The following CBLB variants were observed in gnomAD, a reference collection of about 807,000 sequenced individuals.
CBLB encodes Cbl proto-oncogene B, also known as E3 ubiquitin-protein ligase CBL-B.
A neutral mutation model predicts 104.9 loss-of-function variants in CBLB; 31 were observed. The observed-to-expected ratio is 0.30, with a 90% CI of 0.22 to 0.40. CBLB has a LOEUF of 0.40. Ranked by LOEUF, CBLB falls within the 10% of genes least tolerant of loss-of-function variation. CBLB has a pLI of 1.00. For synonymous variants in CBLB, 440 were observed against 422.6 expected (o/e 1.04, Z -0.51); for missense variants, 1,062 against 1,214.6 (o/e 0.87, Z 1.87).
At chr3:105,707,621 A>G (rs1236570221) in intron 10 of CBLB, among the ~76,000 whole-genome samples, 1 of 152,156 alleles carries the variant, frequency 6.6e-6, no homozygotes, top group African/African-American at 2.4e-5. Context: ...GAAGATTTGT[A>G]AACATTTTTA....
chr3:105,768,100 G>T (rs2078432667), intron 4 of CBLB, among the ~76,000 whole-genome samples: 1 of 152,176 alleles, frequency 6.6e-6, no homozygotes, highest in South Asian at 2.1e-4. Context: ...ATACAAAGAT[G>T]AATAAATAAG....
At chr3:105,806,899 A>G (rs1305597605) in intron 3 of CBLB, among the ~76,000 whole-genome samples, 1 of 152,178 alleles carries the variant, frequency 6.6e-6, no homozygotes, top group African/African-American at 2.4e-5. Flanking sequence ...TCCAAAACTT[A>G]AAAAAATTTT....
rs186078231 is a variant in CBLB at position 105,848,946 on chromosome 3, A to G, written c.419+4468T>C. ...TGTTTTGCTTATGTAGAAACATTTC[A>G]TGGGAGACTTTTAGGTTCTGATTGG... On this transcript the variant is annotated intron_variant, in intron 3 of 18. Coordinates refer to ENST00000394030, the MANE Select transcript of CBLB (RefSeq NM_170662.5). Among the ~76,000 whole-genome samples, 69 of 152,266 alleles carry G rather than the reference A, an allele frequency of 4.5e-4. No individual in the cohort carries two copies. The Middle Eastern group carries it at 0.01, about 23-fold the overall frequency.
Position 105,664,365 on chromosome 3 carries a change from T to C in CBLB, c.2690-5136A>G, listed in dbSNP as rs564282335. ...TCATACAATAATTTAAAATGACATT[T>C]ATTTTTTAAAATAATGTGGTAAAAT... On this transcript the variant is annotated intron_variant, in intron 18 of 18. Coordinates refer to ENST00000394030, the MANE Select transcript of CBLB (RefSeq NM_170662.5). Among the ~76,000 whole-genome samples the C allele has an allele frequency of 1.7e-4, 26 of 152,328 alleles. No homozygotes were observed. In the South Asian group the frequency reaches 5.2e-3, roughly 30 times the overall value.
intron 2 of CBLB, among the ~76,000 whole-genome samples, chr3:105,865,840 A>G (rs4447799): frequency 0.67 from 101,194 of 152,018 alleles, 34,928 homozygotes; most frequent in Middle Eastern, 0.8. Context: ...TACGTAGCAG[A>G]TAAGTTAGAG....
At position 105,702,277 on chromosome 3, in the gene CBLB, T is replaced by C; in HGVS notation, c.1776A>G (p.Ala592=). ...PSRDPPMPLE[A]WCPRDVFGTN... ...TCCCAAACACATCCCGAGGGCACCATGCTTCAAGAGGCATTGGCGGGTCTC... is the reference window on the plus strand; with the variant it reads ...TCCCAAACACATCCCGAGGGCACCACGCTTCAAGAGGCATTGGCGGGTCTC... Residue 592 remains alanine (A), a synonymous_variant, in exon 12 of 19, where the codon GCA becomes GCG. Coordinates refer to ENST00000394030, the MANE Select transcript of CBLB (RefSeq NM_170662.5). 1 of 1,613,988 alleles carries C rather than the reference T, an allele frequency of 6.2e-7. No individual in the cohort carries two copies. The highest frequency in any genetic ancestry group is 8.5e-7 in the Non-Finnish European group (1 of 1,179,984).
chr3:105,704,521 C>T (rs1395053015), intron 10 of CBLB, among the ~76,000 whole-genome samples: 2 of 151,986 alleles, frequency 1.3e-5, no homozygotes, highest in African/African-American at 4.8e-5. Flanking sequence ...ATGCACATTG[C>T]TCTTGGATCT....
chr3:105,846,501 G>A (rs1430286628), intron 3 of CBLB, among the ~76,000 whole-genome samples: 1 of 151,978 alleles, frequency 6.6e-6, no homozygotes, highest in Non-Finnish European at 1.5e-5. Flanking sequence ...AACAGACTGA[G>A]GTAGCAACAG....
intron 17 of CBLB, among the ~76,000 whole-genome samples, chr3:105,674,549 T>C (rs1431519605): frequency 6.6e-6 from 1 of 152,232 alleles, no homozygotes; most frequent in African/African-American, 2.4e-5. Flanking sequence ...TTTTGTGCAC[T>C]GCACAAAGAC....
intron 9 of CBLB, among the ~76,000 whole-genome samples, chr3:105,722,004 G>A (rs2072907364): frequency 6.6e-6 from 1 of 151,756 alleles, no homozygotes; most frequent in Admixed American, 6.6e-5. Flanking sequence ...GCCAGCCTGG[G>A]CAACATAGCA....
intron 3 of CBLB, among the ~76,000 whole-genome samples, chr3:105,834,295 C>CATT (rs1397291691): frequency 1.3e-5 from 2 of 152,088 alleles, no homozygotes; most frequent in African/African-American, 4.8e-5. Flanking sequence ...TTGATTTAGC[C>CATT]ATTCCACAAT....
At chr3:105,741,631 G>T (rs1464392530) in intron 6 of CBLB, among the ~76,000 whole-genome samples, 1 of 151,916 alleles carries the variant, frequency 6.6e-6, no homozygotes, top group Non-Finnish European at 1.5e-5. Context: ...TCCTGACCTG[G>T]TGATCTGCCC....
chr3:105,681,828 A>C lies in CBLB; in HGVS notation c.2202-10T>G. 1 of 1,509,608 alleles carries C rather than the reference A, an allele frequency of 6.6e-7. No homozygotes were observed. Among genetic ancestry groups the C allele is most frequent in the Non-Finnish European group, 9.2e-7 (1 of 1,086,020 alleles). 93.5% of individuals were successfully genotyped at this position (1,509,608 alleles called of 1,614,324 possible). A position where few individuals can be genotyped will look rare whatever the true frequency, so the allele number is the denominator to read the frequency against. On this transcript the variant is annotated splice_polypyrimidine_tract_variant and intron_variant, in intron 14 of 18. Transcript: ENST00000394030. ...ACCATTATCACAAGACCTAAAGGACAGTTCAGAGTAAAATTATATAAGGAG... is the reference window on the plus strand; with the variant it reads ...ACCATTATCACAAGACCTAAAGGACCGTTCAGAGTAAAATTATATAAGGAG...
intron 12 of CBLB, among the ~76,000 whole-genome samples, chr3:105,696,003 G>C (rs2068323942): frequency 6.6e-6 from 1 of 151,278 alleles, no homozygotes; most frequent in Non-Finnish European, 1.5e-5. Flanking sequence ...CATTATTACT[G>C]AAATACTCTC....
At chr3:105,730,226 T>A (rs10490830) in intron 9 of CBLB, among the ~76,000 whole-genome samples, 20,901 of 151,852 alleles carry the variant, frequency 0.14, 1,820 homozygotes, top group Non-Finnish European at 0.19. Context: ...TAAAATAACA[T>A]GGTTCAAGAA....
At chr3:105,854,409 C>CCA (rs981841644) in intron 2 of CBLB, among the ~76,000 whole-genome samples, 116 of 152,284 alleles carry the variant, frequency 7.6e-4, no homozygotes, top group African/African-American at 2.5e-3. Context: ...GTAAGTTAGT[C>CCA]CACCACATTC....
chr3:105,785,899 C>G (rs1283973775), intron 3 of CBLB, among the ~76,000 whole-genome samples: 2 of 152,072 alleles, frequency 1.3e-5, no homozygotes, highest in African/African-American at 4.8e-5. Context: ...TCATAGAAAA[C>G]TGGGAACCAG....
chr3:105,711,050 A>G (rs915264636), intron 10 of CBLB, among the ~76,000 whole-genome samples: 1 of 151,982 alleles, frequency 6.6e-6, no homozygotes, highest in African/African-American at 2.4e-5. Flanking sequence ...AAACGTTAAT[A>G]AGATCCATTA....
chr3:105,838,175 T>C (rs911337227), intron 3 of CBLB, among the ~76,000 whole-genome samples: 1 of 148,436 alleles, frequency 6.7e-6, no homozygotes, highest in African/African-American at 2.5e-5. Flanking sequence ...CTCAACCTCC[T>C]TGGCTCAAGC....
Sources: gnomAD v4.1 joint callset for allele counts (sites outside exome capture counted in the v4.1 genomes callset) on GRCh38, gnomAD v4.1.1 for gene constraint, MANE v1.5 for transcripts, NCBI Gene and HGNC (gene_info 2026-07-23, HGNC 2026-07-21) for gene names.